The following ARL17A variants were observed in gnomAD, a reference collection of about 807,000 sequenced individuals.
ARL17A encodes ADP-ribosylation factor-like 17-like.
At chr17:46,539,640 GTAA>G (rs2054909994) in intron 3 of ARL17A, among the ~76,000 whole-genome samples, 1 of 136,498 alleles carries the variant, frequency 7.3e-6, no homozygotes, top group Non-Finnish European at 1.6e-5. Context: ...GTGGGTGCCT[GTAA>G]TCCCAGCTAC....
At chr17:46,516,244 A>G (rs1480316687), downstream of ARL17A, among the ~76,000 whole-genome samples, 2 of 136,486 alleles carry the variant, frequency 1.5e-5, no homozygotes, top group African/African-American at 5.2e-5. Context: ...CAGAGCTTGC[A>G]GTGAGCCGAG....
chr17:46,548,902 G>A (rs200419055), downstream of ARL17A: 93 of 1,612,542 alleles, frequency 5.8e-5, 2 homozygotes, highest in East Asian at 1.7e-3. Context: ...CTCCAAGGGC[G>A]CGCCTTCTAC....
intron 2 of ARL17A, among the ~76,000 whole-genome samples, chr17:46,575,084 G>A (rs1328058397): frequency 8.6e-4 from 71 of 82,590 alleles, no homozygotes; most frequent in African/African-American, 2.4e-3. Context: ...GTGACAGAGC[G>A]AGACTCTATC....
At chr17:46,575,482 T>C (rs1208303728) in intron 2 of ARL17A, among the ~76,000 whole-genome samples, 1 of 146,244 alleles carries the variant, frequency 6.8e-6, no homozygotes, top group African/African-American at 2.5e-5. Context: ...AGAGGCTGAC[T>C]GAGGAGGCAC....
At chr17:46,525,531 G>C (rs1487668758), downstream of ARL17A, among the ~76,000 whole-genome samples, 6 of 111,482 alleles carry the variant, frequency 5.4e-5, no homozygotes, top group Admixed American at 4.3e-4. Flanking sequence ...AGGTTGCAGT[G>C]AGCCGAGATG....
the ARL17A span, among the ~76,000 whole-genome samples, chr17:46,501,293 A>G: frequency 6.6e-6 from 1 of 151,078 alleles, no homozygotes; most frequent in Non-Finnish European, 1.5e-5. Flanking sequence ...CTCCTGCCTC[A>G]GCCTCCTGAG....
Position 46,534,706 on chromosome 17 carries a change from T to C in ARL17A, c.335+3645A>G, listed in dbSNP as rs1227833645. On this transcript the variant is annotated intron_variant, in intron 4 of 4. Coordinates refer to the ARL17A transcript ENST00000329240. ...ATCATGGCCCGTTCTCAATGAGCTGTTGGGTACACCTCCCAGACGGGGTGG... is the reference window on the plus strand; with the variant it reads ...ATCATGGCCCGTTCTCAATGAGCTGCTGGGTACACCTCCCAGACGGGGTGG... Among the ~76,000 whole-genome samples the C allele has an allele frequency of 2.3e-4, 35 of 150,106 alleles. No homozygotes were observed. In the South Asian group the frequency reaches 6.5e-3, roughly 28 times the overall value.
downstream of ARL17A, chr17:46,549,012 T>C (rs374361415): frequency 1.2e-4 from 187 of 1,612,126 alleles, no homozygotes; most frequent in Non-Finnish European, 1.5e-4. Flanking sequence ...GAGTTACAAA[T>C]ACGAAGACGT....
chr17:46,575,695 C>T (rs905401632), intron 2 of ARL17A, among the ~76,000 whole-genome samples: 2 of 69,344 alleles, frequency 2.9e-5, no homozygotes, highest in African/African-American at 1.3e-4. Flanking sequence ...GGATACATAA[C>T]CTGGCCAGGC....
chr17:46,522,442 T>TGTTA (rs1262308530), intron 3 of ARL17A, among the ~76,000 whole-genome samples: 7 of 126,880 alleles, frequency 5.5e-5, no homozygotes, highest in African/African-American at 1.8e-4. Flanking sequence ...GAGACTTGTT[T>TGTTA]GTTTGTTTGT....
chr17:46,502,686 T>G, the ARL17A span, among the ~76,000 whole-genome samples: 8 of 151,348 alleles, frequency 5.3e-5, no homozygotes, highest in African/African-American at 2.0e-4. Flanking sequence ...AATAATGTTT[T>G]AAAATCAAGG....
intron 3 of ARL17A, among the ~76,000 whole-genome samples, chr17:46,558,503 C>T (rs1012101186): frequency 3.2e-5 from 4 of 123,370 alleles, no homozygotes; most frequent in African/African-American, 1.3e-4. Context: ...TCTCCTGCCT[C>T]AGCCTCCCGA....
At chr17:46,533,574 T>C (rs1287433314) in intron 4 of ARL17A, among the ~76,000 whole-genome samples, 1 of 125,564 alleles carries the variant, frequency 8.0e-6, no homozygotes, top group Non-Finnish European at 1.6e-5. Flanking sequence ...CAATCTTTAC[T>C]CGCCGCAACC....
At chr17:46,551,140 C>T (rs2056766546), downstream of ARL17A, among the ~76,000 whole-genome samples, 1 of 149,704 alleles carries the variant, frequency 6.7e-6, no homozygotes, top group Non-Finnish European at 1.5e-5. Flanking sequence ...GATGTGTCAC[C>T]ATTTCTTGGA....
intron 3 of ARL17A, among the ~76,000 whole-genome samples, chr17:46,522,603 C>T (rs1176181077): frequency 1.4e-5 from 1 of 69,724 alleles, no homozygotes; most frequent in African/African-American, 6.3e-5. Flanking sequence ...TGCCACTAGG[C>T]CCGGCTAATT....
chr17:46,544,415 T>C (rs1466696570), intron 3 of ARL17A, among the ~76,000 whole-genome samples: 177 of 656 alleles, frequency 0.27, no homozygotes, highest in Admixed American at 0.37. Context: ...AGCCATCCTT[T>C]TGGAGGACTC....
At chr17:46,545,912 G>A (rs2056242971) in intron 3 of ARL17A, among the ~76,000 whole-genome samples, 2 of 149,520 alleles carry the variant, frequency 1.3e-5, no homozygotes, top group African/African-American at 5.1e-5. Context: ...GAAGTTGGGG[G>A]CTTATTCAGA....
chr17:46,558,597 G>A (rs1157505498), intron 3 of ARL17A, among the ~76,000 whole-genome samples: 33 of 122,768 alleles, frequency 2.7e-4, no homozygotes, highest in Non-Finnish European at 4.5e-4. Context: ...CACCATGTTG[G>A]CCAGGCTAGT....
chr17:46,534,735 C>G (rs2054338212), intron 4 of ARL17A, among the ~76,000 whole-genome samples: 1 of 150,070 alleles, frequency 6.7e-6, no homozygotes, highest in South Asian at 2.1e-4. Context: ...GGGGTGGCGG[C>G]CGGGCAGAGG....
Sources: allele counts gnomAD v4.1 joint callset (sites outside exome capture counted in the v4.1 genomes callset), GRCh38; gene constraint gnomAD v4.1.1; transcripts MANE v1.5; gene names NCBI Gene and HGNC (gene_info 2026-07-23, HGNC 2026-07-21).